SGCD: variants seen among roughly 807,000 people sequenced by gnomAD.
SGCD encodes sarcoglycan delta.
SGCD carries 18 observed loss-of-function variants against 36.6 expected under a neutral mutation model. The ratio of observed to expected loss-of-function variants is 0.49; its 90% CI spans 0.34 to 0.73. The LOEUF is 0.73. Ranked by LOEUF, SGCD falls within the 30% of genes least tolerant of loss-of-function variation. SGCD has a pLI of 0.01. For missense variants in SGCD, 387 were observed against 346.7 expected (o/e 1.12, Z -0.92); for synonymous variants, 133 against 130.6 (o/e 1.02, Z -0.12).
chr5:156,218,999 T>C (rs1035024099), intron 3 of SGCD, among the ~76,000 whole-genome samples: 6 of 152,194 alleles, frequency 3.9e-5, no homozygotes, highest in Non-Finnish European at 7.3e-5. Context: ...TATCTGGTAA[T>C]AGAAATGTGT....
chr5:155,742,741 G>C, the SGCD span, among the ~76,000 whole-genome samples: 1 of 152,138 alleles, frequency 6.6e-6, no homozygotes, highest in African/African-American at 2.4e-5. Context: ...GGTAGTGTCA[G>C]ATCCCACAAG....
At chr5:156,373,009 AT>A (rs1770472876) in intron 3 of SGCD, among the ~76,000 whole-genome samples, 2 of 151,994 alleles carry the variant, frequency 1.3e-5, no homozygotes, top group South Asian at 4.2e-4. Flanking sequence ...AAATGTAGTG[AT>A]TTGTGTCTTC....
At chr5:156,443,943 T>C (rs1365201772) in intron 3 of SGCD, among the ~76,000 whole-genome samples, 1 of 152,112 alleles carries the variant, frequency 6.6e-6, no homozygotes, top group Non-Finnish European at 1.5e-5. Flanking sequence ...AAAAATCTGC[T>C]ACCTTTATAA....
intron 7 of SGCD, among the ~76,000 whole-genome samples, chr5:156,698,787 A>C (rs1003970799): frequency 1.3e-5 from 2 of 151,798 alleles, no homozygotes. Flanking sequence ...CTCTGTCTGT[A>C]CAAGAGAAGT....
chr5:155,793,937 G>T, the SGCD span, among the ~76,000 whole-genome samples: 1 of 144,180 alleles, frequency 6.9e-6, no homozygotes, highest in Non-Finnish European at 1.5e-5. Flanking sequence ...AGTTGAATAA[G>T]GTGGGAAGCA....
chr5:156,257,607 T>C (rs1318704179), intron 3 of SGCD, among the ~76,000 whole-genome samples: 3 of 152,208 alleles, frequency 2.0e-5, no homozygotes, highest in Non-Finnish European at 4.4e-5. Context: ...CTCATGCCTG[T>C]AATCCCAGCA....
At chr5:156,212,600 A>T (rs899320602) in intron 3 of SGCD, among the ~76,000 whole-genome samples, 10 of 152,152 alleles carry the variant, frequency 6.6e-5, no homozygotes, top group Non-Finnish European at 1.5e-4. Flanking sequence ...TTCAGAAAAA[A>T]GTCAACAAGG....
chr5:156,453,349 G>A (rs1754109925), intron 3 of SGCD, among the ~76,000 whole-genome samples: 1 of 152,166 alleles, frequency 6.6e-6, no homozygotes, highest in Non-Finnish European at 1.5e-5. Flanking sequence ...AGAACTAGCT[G>A]TTTTACAAGG....
chr5:156,509,933 C>T lies in SGCD; in HGVS notation c.294+1231C>T, dbSNP rs189048164. ...GCTCTGCCTTGGATTGATCCCCCTT[C>T]ACCTGTGAGCAAGGCATAATGTGAA... On this transcript the variant is annotated intron_variant, in intron 4 of 8. Coordinates refer to ENST00000337851, the MANE Select transcript of SGCD (RefSeq NM_000337.6). 3.3e-4 allele frequency among the ~76,000 whole-genome samples: 50 copies of T among 152,276 alleles called. No individual in the cohort carries two copies. The South Asian group carries it at 3.5e-3, about 11-fold the overall frequency.
intron 3 of SGCD, among the ~76,000 whole-genome samples, chr5:156,447,321 G>A (rs1504935): frequency 0.32 from 49,214 of 152,006 alleles, 11,369 homozygotes; most frequent in African/African-American, 0.66. Flanking sequence ...AGTTTCTGTA[G>A]CATTCAATCT....
intron 8 of SGCD, among the ~76,000 whole-genome samples, chr5:156,758,317 A>G (rs1031482977): frequency 3.3e-5 from 5 of 152,160 alleles, no homozygotes; most frequent in Admixed American, 6.5e-5. Flanking sequence ...TTGTCTGTAA[A>G]CTTTTAAAAA....
Position 156,372,715 on chromosome 5 carries a change from C to T in SGCD, c.192+28038C>T, listed in dbSNP as rs147558500. On this transcript the variant is annotated intron_variant, in intron 3 of 8. Transcript: ENST00000337851. ...AGTTACCTTGGAACAGTGGACATAG[C>T]TTTGCCTCCTACAAATTAGACATTT... 6.5e-3 allele frequency among the ~76,000 whole-genome samples: 992 copies of T among 152,292 alleles called. 6 individuals are homozygous for T. The highest frequency in any genetic ancestry group is 9.0e-3 in the Non-Finnish European group (615 of 68,012).
rs548407008 is a variant in SGCD, at chr5:155,894,882, C to T, written c.-282+24458C>T. 3.9e-5 allele frequency among the ~76,000 whole-genome samples: 6 copies of T among 152,184 alleles called. No individual in the cohort carries two copies. In the South Asian group the frequency reaches 6.2e-4, roughly 16 times the overall value. ...TAATAAATCATAGAAATAAAGTACA[C>T]GATAAACGTAATGTGCTTGACTCAT... On this transcript the variant is annotated intron_variant, in intron 1 of 9. Coordinates refer to the SGCD transcript ENST00000517913.
Position 156,307,552 on chromosome 5 carries a change from G to GTTTTTTTTTTTT in SGCD, c.-43-21980_-43-21979insTTTTTTTTTTTT. Among the ~76,000 whole-genome samples the GTTTTTTTTTTTT allele has an allele frequency of 1.7e-3, 83 of 48,426 alleles. 15 individuals are homozygous for GTTTTTTTTTTTT. Among genetic ancestry groups the GTTTTTTTTTTTT allele is most frequent in the East Asian group, 5.1e-3 (7 of 1,380 alleles). The allele number at this position is 48,426 out of a possible 152,430, so 31.8% of individuals were successfully genotyped here. On this transcript the variant is annotated intron_variant, in intron 3 of 9. Coordinates refer to the SGCD transcript ENST00000517913. ...CTTCTTGTCTGTATACATTTTAACTGTTGTTTTTTTTTTTTTTTTTTTTTT... is the reference window on the plus strand; with the variant it reads ...CTTCTTGTCTGTATACATTTTAACTGTTTTTTTTTTTTTTGTTTTTTTTTTTTTTTTTTTTTT...
chr5:156,428,531 T>G (rs937443297), intron 3 of SGCD, among the ~76,000 whole-genome samples: 1 of 152,098 alleles, frequency 6.6e-6, no homozygotes, highest in Non-Finnish European at 1.5e-5. Flanking sequence ...TTGTTTCATT[T>G]TTATTTAGTT....
chr5:156,288,805 C>T (rs1766683507), intron 3 of SGCD, among the ~76,000 whole-genome samples: 1 of 152,070 alleles, frequency 6.6e-6, no homozygotes. Context: ...ATGTTACTGC[C>T]TGATTAAGTC....
At chr5:155,742,800 A>G in the SGCD span, among the ~76,000 whole-genome samples, 1 of 152,186 alleles carries the variant, frequency 6.6e-6, no homozygotes, top group African/African-American at 2.4e-5. Context: ...TGCCAATCAC[A>G]AGCTTCAGGT....
chr5:156,310,619 T>A (rs1767368342), intron 3 of SGCD, among the ~76,000 whole-genome samples: 1 of 152,224 alleles, frequency 6.6e-6, no homozygotes. Context: ...ATTCTTTCAG[T>A]GAAATTATTG....
intron 1 of SGCD, among the ~76,000 whole-genome samples, chr5:155,879,867 A>G (rs960596525): frequency 2.0e-5 from 3 of 152,152 alleles, no homozygotes; most frequent in African/African-American, 4.8e-5. Flanking sequence ...CCATTGTTGT[A>G]GGCATGGTGT....
Sources: gnomAD v4.1 joint callset for allele counts (sites outside exome capture counted in the v4.1 genomes callset) on GRCh38, gnomAD v4.1.1 for gene constraint, MANE v1.5 for transcripts, NCBI Gene and HGNC (gene_info 2026-07-23, HGNC 2026-07-21) for gene names.